Variants in CADPS observed in about 807,000 individuals in gnomAD.
The protein encoded by CADPS is calcium-dependent secretion activator 1.
In CADPS, 57 loss-of-function variants were observed where a neutral mutation model predicts 167.3. The ratio of observed to expected loss-of-function variants is 0.34; its 90% CI spans 0.28 to 0.42. The LOEUF (loss-of-function observed/expected upper bound fraction) is 0.42. Ranked by LOEUF, CADPS falls within the 20% of genes least tolerant of loss-of-function variation. CADPS has a pLI of 1.00. For synonymous variants in CADPS, 676 were observed against 635.3 expected (o/e 1.06, Z -0.96); for missense variants, 1,414 against 1,738.1 (o/e 0.81, Z 3.32).
chr3:62,720,818 T>C (rs534886488), intron 3 of CADPS, among the ~76,000 whole-genome samples: 1 of 151,356 alleles, frequency 6.6e-6, no homozygotes, highest in Admixed American at 6.6e-5. Context: ...GTTAGTTTTT[T>C]TTTTTTTTTT....
intron 1 of CADPS, among the ~76,000 whole-genome samples, chr3:62,826,611 G>T (rs2074092333): frequency 6.6e-6 from 1 of 152,102 alleles, no homozygotes; most frequent in East Asian, 1.9e-4. Context: ...CATCCTTGAT[G>T]GGTCTTCAAG....
rs150429416 is a variant in CADPS, at chr3:62,812,543, G to A, written c.442-46559C>T. On this transcript the variant is annotated intron_variant, in intron 1 of 29. Coordinates refer to ENST00000383710, the MANE Select transcript of CADPS (RefSeq NM_003716.4). The stretch of plus-strand genomic sequence containing the variant: ...ACAATCACACATCAAGAGTCATTCA[G>A]CTTCAGATGTGCATGCAATTTCATT... 3.3e-5 allele frequency among the ~76,000 whole-genome samples: 5 copies of A among 152,266 alleles called. No individual in the cohort carries two copies. In the East Asian group the frequency reaches 9.6e-4, roughly 29 times the overall value.
intron 22 of CADPS, among the ~76,000 whole-genome samples, chr3:62,480,154 A>T (rs1407963238): frequency 1.3e-5 from 2 of 152,164 alleles, no homozygotes; most frequent in African/African-American, 4.8e-5. Context: ...TGTTAAGGCA[A>T]TAGCACCAAG....
chr3:62,486,444 C>CAAAAAAA (rs1219097343), intron 21 of CADPS, among the ~76,000 whole-genome samples: 1 of 63,960 alleles, frequency 1.6e-5, no homozygotes, highest in African/African-American at 4.7e-5. Flanking sequence ...GACTCCGTCT[C>CAAAAAAA]AAAAAAAAAA....
intron 1 of CADPS, among the ~76,000 whole-genome samples, chr3:62,784,183 TAAGAATGTGTA>T (rs964960226): frequency 1.2e-4 from 19 of 152,288 alleles, no homozygotes; most frequent in Admixed American, 9.8e-4. Flanking sequence ...ATAGATGGTT[TAAGAATGTGTA>T]AAAATAATGG....
chr3:62,398,680 CATTT>C lies in CADPS; in HGVS notation c.*722_*725del, dbSNP rs958642421. ...CAGTTGAGACGTAAAAGCAAAATAA[CATTT>C]AAGAGGAGAAAACTTTGACAGAAGA... On this transcript the variant is annotated 3_prime_UTR_variant, in exon 30 of 30. Transcript: ENST00000383710. 6.6e-6 allele frequency: 1 copy of C among 152,386 alleles called. No homozygotes were observed. Among genetic ancestry groups the C allele is most frequent in the Non-Finnish European group, 1.5e-5 (1 of 68,002 alleles). The allele number at this position is 152,386 out of a possible 1,614,324, so 9.4% of individuals were successfully genotyped here. A position where few individuals can be genotyped will look rare whatever the true frequency, so the allele number is the denominator to read the frequency against.
intron 1 of CADPS, among the ~76,000 whole-genome samples, chr3:62,789,305 A>G (rs1403125543): frequency 6.6e-6 from 1 of 152,176 alleles, no homozygotes; most frequent in Non-Finnish European, 1.5e-5. Context: ...AGACTGAGGA[A>G]CATATCCAAA....
intron 6 of CADPS, among the ~76,000 whole-genome samples, chr3:62,616,595 G>A (rs566419275): frequency 3.9e-5 from 6 of 152,210 alleles, no homozygotes; most frequent in Admixed American, 2.6e-4. Flanking sequence ...CTGTAATCAC[G>A]TTACAGCACA....
intron 1 of CADPS, among the ~76,000 whole-genome samples, chr3:62,773,273 A>T (rs549967419): frequency 6.6e-6 from 1 of 152,250 alleles, no homozygotes; most frequent in South Asian, 2.1e-4. Context: ...ACATCATCTT[A>T]ACCAAATATT....
intron 28 of CADPS, among the ~76,000 whole-genome samples, chr3:62,430,494 C>T (rs867588487): frequency 2.0e-5 from 3 of 152,008 alleles, no homozygotes; most frequent in Admixed American, 1.3e-4. Context: ...ATTCGAGTGG[C>T]CCTGGAGGGC....
At chr3:62,547,426 C>T (rs901866363) in intron 11 of CADPS, among the ~76,000 whole-genome samples, 2 of 152,084 alleles carry the variant, frequency 1.3e-5, no homozygotes, top group African/African-American at 4.8e-5. Context: ...GCCTCATGCT[C>T]TCTGAAGAAC....
intron 21 of CADPS, among the ~76,000 whole-genome samples, chr3:62,490,995 T>C (rs1576740733): frequency 6.6e-6 from 1 of 152,284 alleles, no homozygotes; most frequent in East Asian, 1.9e-4. Context: ...GAACACACTT[T>C]GGGAAACACT....
intron 11 of CADPS, among the ~76,000 whole-genome samples, chr3:62,538,995 C>T (rs902962899): frequency 2.0e-5 from 3 of 152,136 alleles, no homozygotes; most frequent in African/African-American, 7.2e-5. Context: ...TTTTTACTAA[C>T]GTTTTAAAGC....
At chr3:62,772,936 T>C (rs953523035) in intron 1 of CADPS, among the ~76,000 whole-genome samples, 1 of 152,214 alleles carries the variant, frequency 6.6e-6, no homozygotes, top group Non-Finnish European at 1.5e-5. Context: ...TAAAGTATAA[T>C]GTCAGCATTG....
chr3:62,716,251 G>A (rs889199774), intron 3 of CADPS, among the ~76,000 whole-genome samples: 3 of 151,830 alleles, frequency 2.0e-5, no homozygotes, highest in South Asian at 2.1e-4. Context: ...ACAAGGTTTC[G>A]CCACGTTGGC....
chr3:62,603,460 A>G (rs1477103728), intron 6 of CADPS, among the ~76,000 whole-genome samples: 2 of 152,242 alleles, frequency 1.3e-5, no homozygotes, highest in African/African-American at 4.8e-5. Flanking sequence ...ATAAATGCCT[A>G]TCGAATCAAG....
intron 3 of CADPS, among the ~76,000 whole-genome samples, chr3:62,752,881 C>T (rs2083002267): frequency 1.3e-5 from 2 of 152,366 alleles, no homozygotes; most frequent in African/African-American, 4.8e-5. Context: ...CTTCCCTAAT[C>T]CTCCATCTAG....
chr3:62,695,348 T>A (rs1419291507), intron 3 of CADPS, among the ~76,000 whole-genome samples: 1 of 152,082 alleles, frequency 6.6e-6, no homozygotes, highest in Non-Finnish European at 1.5e-5. Flanking sequence ...TTTGACATAT[T>A]TTGAGATCGC....
At chr3:62,830,911 T>C (rs957937497) in intron 1 of CADPS, among the ~76,000 whole-genome samples, 1 of 152,170 alleles carries the variant, frequency 6.6e-6, no homozygotes, top group African/African-American at 2.4e-5. Context: ...TTGTGGACTT[T>C]GCCAACTGTC....
Sources: gnomAD v4.1 joint callset for allele counts (sites outside exome capture counted in the v4.1 genomes callset) on GRCh38, gnomAD v4.1.1 for gene constraint, MANE v1.5 for transcripts, NCBI Gene and HGNC (gene_info 2026-07-23, HGNC 2026-07-21) for gene names.